Variants in KLHL7 observed in about 807,000 individuals in gnomAD.
KLHL7 encodes the protein kelch-like protein 7.
In KLHL7, 44 loss-of-function variants were observed where a neutral mutation model predicts 67.4. The observed-to-expected ratio is 0.65, with a 90% CI of 0.51 to 0.84. The LOEUF is 0.84. Among genes scored for constraint, KLHL7 ranks in the 40% least tolerant of loss-of-function variants. The pLI, the probability that KLHL7 is intolerant of heterozygous loss-of-function variation, is 0.00. For synonymous variants in KLHL7, 252 were observed against 243.3 expected (o/e 1.04, Z -0.33); for missense variants, 362 against 718.1 (o/e 0.50, Z 5.67).
chr7:23,110,713 C>T (rs1242470476), intron 1 of KLHL7, among the ~76,000 whole-genome samples: 2 of 151,156 alleles, frequency 1.3e-5, no homozygotes, highest in East Asian at 3.9e-4. Flanking sequence ...GTGCTGCACC[C>T]ATTAACTCGT....
At chr7:23,165,517 C>G (rs149066048) in intron 7 of KLHL7, among the ~76,000 whole-genome samples, 181 bp from the exon 8 acceptor site, 88 of 152,282 alleles carry the variant, frequency 5.8e-4, no homozygotes, top group African/African-American at 2.1e-3. Context: ...TCCGCCCCAT[C>G]TAATCAACAT....
chr7:23,151,986 C>T, intron 6 of KLHL7, 81 bp from the exon 7 acceptor site: 1 of 1,328,368 alleles, frequency 7.5e-7, no homozygotes, highest in South Asian at 1.2e-5. Flanking sequence ...AATAAAGGCC[C>T]TATTATGTCT....
At chr7:23,134,728 A>G (rs1366246293) in intron 4 of KLHL7, among the ~76,000 whole-genome samples, 2 of 152,170 alleles carry the variant, frequency 1.3e-5, no homozygotes, top group African/African-American at 4.8e-5. Context: ...TTTCCAATTT[A>G]TAGGCATATA....
intron 1 of KLHL7, among the ~76,000 whole-genome samples, chr7:23,113,034 C>T (rs73272048): frequency 7.3e-5 from 11 of 151,632 alleles, no homozygotes; most frequent in Non-Finnish European, 8.8e-5. Flanking sequence ...GGGGCAGTTC[C>T]TCTTCCATAA....
intron 7 of KLHL7, among the ~76,000 whole-genome samples, chr7:23,163,330 C>G (rs1784906774): frequency 6.6e-6 from 1 of 151,976 alleles, no homozygotes; most frequent in African/African-American, 2.4e-5. Context: ...GCCACCATGC[C>G]CGGCTAATTT....
intron 1 of KLHL7, among the ~76,000 whole-genome samples, chr7:23,118,303 A>G (rs984430022): frequency 3.9e-5 from 6 of 152,224 alleles, no homozygotes; most frequent in East Asian, 1.9e-4. Context: ...GTATCTGTGC[A>G]TACATATTTG....
In KLHL7 at chr7:23,172,856, T is replaced by G. The variant is rs141725539; in HGVS notation, c.1380-92T>G. 18 of 939,004 alleles carry G rather than the reference T, an allele frequency of 1.9e-5. No homozygotes were observed. The East Asian group carries it at 4.4e-4, about 23-fold the overall frequency. 58.2% of individuals were successfully genotyped at this position (939,004 alleles called of 1,614,324 possible). A position where few individuals can be genotyped will look rare whatever the true frequency, so the allele number is the denominator to read the frequency against. The stretch of plus-strand genomic sequence containing the variant: ...TATGTACACATATGTGAGTAGTAAA[T>G]GAGCACTTAATTAGAATAATAGACC... On this transcript the variant is annotated intron_variant, in intron 9 of 10. Transcript: ENST00000339077.
intron 4 of KLHL7, among the ~76,000 whole-genome samples, chr7:23,135,565 T>C (rs1406511581): frequency 2.6e-5 from 4 of 152,208 alleles, no homozygotes; most frequent in African/African-American, 9.6e-5. Context: ...ATTTGAATGA[T>C]ATGTGCTTTC....
rs573939049 is a variant in KLHL7 at position 23,168,540 on chromosome 7, T to A, written c.1379+503T>A. Among the ~76,000 whole-genome samples, 12 of 152,288 alleles carry A rather than the reference T, an allele frequency of 7.9e-5. No homozygotes were observed. The East Asian group carries it at 2.1e-3, about 27-fold the overall frequency. ...ATCAACTGCTTTTAAAAAGGCAAAGTGTGTCAAAAAGGTAAAATGCTAAAG... is the reference window on the plus strand; with the variant it reads ...ATCAACTGCTTTTAAAAAGGCAAAGAGTGTCAAAAAGGTAAAATGCTAAAG... On this transcript the variant is annotated intron_variant, in intron 9 of 10. Coordinates refer to ENST00000339077, the MANE Select transcript of KLHL7 (RefSeq NM_001031710.3).
In KLHL7 at chr7:23,177,480, A is replaced by G. The variant is rs868149586; in HGVS notation, c.*3182A>G. On this transcript the variant is annotated 3_prime_UTR_variant, in exon 11 of 11. Transcript: ENST00000339077. ...TTAGTAATCTGTATCATAATTCCCA[A>G]TTAGTGTCTTTTTCTGCCTTGGAAA... is the stretch of plus-strand genomic sequence containing the variant. 2 of 152,144 alleles carry G rather than the reference A, an allele frequency of 1.3e-5. No individual in the cohort carries two copies. Among genetic ancestry groups the G allele is most frequent in the South Asian group, 4.1e-4 (2 of 4,826 alleles). 9.4% of individuals were successfully genotyped at this position (152,144 alleles called of 1,614,324 possible).
At chr7:23,138,587 G>A (rs1010942447) in intron 4 of KLHL7, among the ~76,000 whole-genome samples, 2 of 151,640 alleles carry the variant, frequency 1.3e-5, no homozygotes, top group Non-Finnish European at 2.9e-5. Context: ...GCCCCAGCTG[G>A]AGTGCAGTGG....
At chr7:23,140,331 G>A (rs1310292776) in intron 4 of KLHL7, among the ~76,000 whole-genome samples, 1 of 152,174 alleles carries the variant, frequency 6.6e-6, no homozygotes, top group Non-Finnish European at 1.5e-5. Flanking sequence ...AGGGTGGGCG[G>A]ATCACGAGGT....
chr7:23,150,538 C>G (rs1232660976), intron 6 of KLHL7, among the ~76,000 whole-genome samples: 2 of 152,106 alleles, frequency 1.3e-5, no homozygotes, highest in Admixed American at 1.3e-4. Context: ...TCTTTCTCAT[C>G]TTAACAGCCA....
intron 1 of KLHL7, among the ~76,000 whole-genome samples, chr7:23,121,070 G>T (rs897381651): frequency 1.1e-4 from 17 of 152,106 alleles, no homozygotes; most frequent in Non-Finnish European, 1.9e-4. Flanking sequence ...TTACACATAT[G>T]AGTGAGAACA....
chr7:23,138,392 G>A (rs1784057392), intron 4 of KLHL7, among the ~76,000 whole-genome samples: 1 of 149,078 alleles, frequency 6.7e-6, no homozygotes, highest in Non-Finnish European at 1.5e-5. Flanking sequence ...AACCTGGGAG[G>A]TGGGGTTTGC....
intron 1 of KLHL7, among the ~76,000 whole-genome samples, chr7:23,109,652 C>T (rs1457058181): frequency 2.0e-5 from 3 of 152,196 alleles, no homozygotes; most frequent in Non-Finnish European, 4.4e-5. Flanking sequence ...TCTGTATTCT[C>T]ATCTGTCTGA....
intron 4 of KLHL7, among the ~76,000 whole-genome samples, chr7:23,128,246 G>A (rs1783655605): frequency 6.6e-6 from 1 of 151,246 alleles, no homozygotes; most frequent in Admixed American, 6.6e-5. Flanking sequence ...AACTCAAACC[G>A]AAGAAGATCA....
At chr7:23,171,239 T>C (rs2128470197) in intron 9 of KLHL7, 1 of 223,070 alleles carries the variant, frequency 4.5e-6, no homozygotes, top group South Asian at 4.6e-5. Context: ...GGACCTAGTA[T>C]GTACTCTGCA....
At chr7:23,126,116 G>A in intron 4 of KLHL7, 1 of 493,320 alleles carries the variant, frequency 2.0e-6, no homozygotes, top group South Asian at 2.0e-5. Flanking sequence ...CTTGAACAGA[G>A]CACTGCAATA....
Sources: gnomAD v4.1 joint callset for allele counts (sites outside exome capture counted in the v4.1 genomes callset) on GRCh38, gnomAD v4.1.1 for gene constraint, MANE v1.5 for transcripts, NCBI Gene and HGNC (gene_info 2026-07-23, HGNC 2026-07-21) for gene names.